The following ANKRD11 variants were observed in gnomAD, a reference collection of about 807,000 sequenced individuals.
The protein encoded by ANKRD11 is ankyrin repeat domain-containing protein 11.
A neutral mutation model predicts 195.7 loss-of-function variants in ANKRD11; 17 were observed. The observed-to-expected ratio is 0.09, with a 90% CI of 0.06 to 0.13. The LOEUF (loss-of-function observed/expected upper bound fraction) is 0.13, where lower values mean the gene tolerates loss of function less well. Ranked by LOEUF, ANKRD11 falls within the 10% of genes least tolerant of loss-of-function variation. ANKRD11 has a pLI of 1.00. For missense variants in ANKRD11, 3,735 were observed against 3,566.1 expected (o/e 1.05, Z -1.21); for synonymous variants, 1,953 against 1,528.1 (o/e 1.28, Z -6.49).
intron 2 of ANKRD11, among the ~76,000 whole-genome samples, chr16:89,374,004 T>G (rs1301891022): frequency 6.6e-6 from 1 of 152,206 alleles, no homozygotes; most frequent in Non-Finnish European, 1.5e-5. Flanking sequence ...CCACAATACC[T>G]GCAGGACAGG....
At position 89,267,644 on chromosome 16, in the gene ANKRD11, T is replaced by TTTA. The variant is rs2032747056; in HGVS notation, c.*831_*833dup. ...TACAAAGAGCATTTTAATTAATTTA[T>TTTA]TTATTTCTTTACACATAACTGAAAG... On this transcript the variant is annotated 3_prime_UTR_variant, in exon 13 of 13. Coordinates refer to ENST00000301030, the MANE Select transcript of ANKRD11 (RefSeq NM_013275.6). The TTTA allele has an allele frequency of 6.6e-6, 1 of 152,328 alleles. No individual in the cohort carries two copies. The highest frequency in any genetic ancestry group is 2.4e-5 in the African/African-American group (1 of 41,470). The allele number at this position is 152,328 out of a possible 1,614,324, so 9.4% of individuals were successfully genotyped here.
intron 2 of ANKRD11, among the ~76,000 whole-genome samples, chr16:89,349,138 A>AAAAAAAAAAAAAAAAAAG (rs2039082573): frequency 7.4e-6 from 1 of 135,324 alleles, no homozygotes; most frequent in Non-Finnish European, 1.6e-5. Flanking sequence ...AAAAAGTAAA[A>AAAAAAAAAAAAAAAAAAG]AAAAAAAAAA....
At chr16:89,288,792 A>G (rs2034829435) in intron 6 of ANKRD11, 122 bp from the exon 7 acceptor site, 1 of 1,387,826 alleles carries the variant, frequency 7.2e-7, no homozygotes, top group Non-Finnish European at 1.0e-6. Flanking sequence ...GCTGCCCTGT[A>G]GTGAGGGCTG....
intron 1 of ANKRD11, chr16:89,431,157 T>G (rs564486573): frequency 5.9e-5 from 9 of 152,316 alleles, no homozygotes; most frequent in African/African-American, 2.2e-4. Flanking sequence ...TTATTAAGAA[T>G]TGTTTACAGA....
At chr16:89,414,748 G>A (rs1273809111) in intron 2 of ANKRD11, among the ~76,000 whole-genome samples, 1 of 152,148 alleles carries the variant, frequency 6.6e-6, no homozygotes, top group Non-Finnish European at 1.5e-5. Context: ...CCCAACCTCA[G>A]GGCAGGACCA....
At chr16:89,363,364 T>C (rs894057041) in intron 2 of ANKRD11, among the ~76,000 whole-genome samples, 2 of 152,088 alleles carry the variant, frequency 1.3e-5, no homozygotes, top group Non-Finnish European at 2.9e-5. Context: ...TTAGGAGATA[T>C]ACCTAATGCT....
At chr16:89,388,892 A>C (rs1233565463) in intron 2 of ANKRD11, among the ~76,000 whole-genome samples, 5 of 152,236 alleles carry the variant, frequency 3.3e-5, no homozygotes, top group Admixed American at 1.3e-4. Context: ...GCAACAGCTG[A>C]AAGGGACAAA....
chr16:89,304,457 TACTC>T (rs1356970307), intron 4 of ANKRD11, among the ~76,000 whole-genome samples: 3 of 144,486 alleles, frequency 2.1e-5, no homozygotes, highest in African/African-American at 7.8e-5. Flanking sequence ...AGCATACACA[TACTC>T]AGGCACACAT....
chr16:89,279,295 G>A lies in ANKRD11; in HGVS notation c.7247C>T (p.Ala2416Val). 1 of 1,611,608 alleles carries A rather than the reference G, an allele frequency of 6.2e-7. No individual in the cohort carries two copies. The highest frequency in any genetic ancestry group is 8.5e-7 in the Non-Finnish European group (1 of 1,179,624). The change falls in exon 9 of 13, where the codon GCC (alanine) becomes GTC (valine). Residue 2416 changes from alanine to valine, a missense_variant. Ala to Val is a moderately conservative substitution (Grantham distance 64). Transcript: ENST00000301030. This position sits in a 1 kb window ranked among gnomAD's most constrained non-coding sequence, Gnocchi z 5.6. ...QTREVIQQTL[A>V]AIVDAIKLDA... is the part of the protein sequence containing the mutation. ...CAGCTTGATGGCGTCCACGATGGCG[G>A]CCAGCGTCTGCTGGATCACCTCCCG...
intron 1 of ANKRD11, among the ~76,000 whole-genome samples, chr16:89,480,153 TC>T (rs2057397711): frequency 6.6e-6 from 1 of 151,054 alleles, no homozygotes; most frequent in Non-Finnish European, 1.5e-5. Context: ...ATTATTGCCT[TC>T]CTTCTCAGAC....
intron 1 of ANKRD11, among the ~76,000 whole-genome samples, chr16:89,483,321 C>T (rs1049914671): frequency 3.3e-5 from 5 of 152,178 alleles, no homozygotes; most frequent in Admixed American, 2.6e-4. Context: ...CTTTTAAAAG[C>T]CAGTCATCTG....
chr16:89,487,966 G>C (rs2057677651), intron 1 of ANKRD11, among the ~76,000 whole-genome samples: 1 of 152,148 alleles, frequency 6.6e-6, no homozygotes, highest in Non-Finnish European at 1.5e-5. Context: ...GGCACTGCTG[G>C]TATGGGGTGC....
chr16:89,305,252 C>T lies in ANKRD11; in HGVS notation c.180G>A (p.Leu60=). 1 of 1,613,898 alleles carries T rather than the reference C, an allele frequency of 6.2e-7. No homozygotes were observed. The highest frequency in any genetic ancestry group is 8.5e-7 in the Non-Finnish European group (1 of 1,179,904). ...CCCCATTGGCGCCCGCGGTGAAGGG[C>T]AGCTTCCGCTTGCTGGCTCGCTCCC... ...EVRERASKRK[L]PFTAGANGEQ... is the part of the protein sequence containing the mutation. Residue 60 remains leucine (L), a synonymous_variant, in exon 4 of 13, where the codon CTG becomes CTA. Transcript: ENST00000301030.
intron 3 of ANKRD11, among the ~76,000 whole-genome samples, chr16:89,310,624 A>T (rs972007558): frequency 6.6e-6 from 1 of 152,200 alleles, no homozygotes; most frequent in African/African-American, 2.4e-5. Flanking sequence ...GTTCTCAGGA[A>T]TATTTTGCAG....
At chr16:89,447,149 G>A (rs369439406) in intron 1 of ANKRD11, among the ~76,000 whole-genome samples, 3 of 151,772 alleles carry the variant, frequency 2.0e-5, no homozygotes, top group Non-Finnish European at 4.4e-5. Context: ...AAAGCTCCAC[G>A]TCCAACACCA....
intron 1 of ANKRD11, among the ~76,000 whole-genome samples, chr16:89,421,818 T>C (rs934537132): frequency 2.6e-5 from 4 of 152,012 alleles, no homozygotes; most frequent in African/African-American, 9.7e-5. Context: ...GGTCAGTGTG[T>C]GATGACAGGA....
intron 4 of ANKRD11, chr16:89,299,722 G>GTGTGGGGTGCCTGCCCTC: frequency 5.3e-6 from 1 of 187,284 alleles, no homozygotes; most frequent in Non-Finnish European, 1.0e-5. Context: ...TGCCTGCCCT[G>GTGTGGGGTGCCTGCCCTC]TGTGGGATGC....
chr16:89,418,356 G>A lies in ANKRD11; in HGVS notation c.-132C>T, dbSNP rs1159250242. 2 of 449,538 alleles carry A rather than the reference G, an allele frequency of 4.4e-6. No homozygotes were observed. The highest frequency in any genetic ancestry group is 4.8e-5 in the Admixed American group (2 of 42,028). 27.8% of individuals were successfully genotyped at this position (449,538 alleles called of 1,614,324 possible). ...CCAATGGAGGTGTGTCCCAGAGCAG[G>A]GCTGTATATATTCTGAAACAAGAGA... On this transcript the variant is annotated 5_prime_UTR_variant, in exon 2 of 13. Coordinates refer to ENST00000301030, the MANE Select transcript of ANKRD11 (RefSeq NM_013275.6).
rs181824149 is a variant in ANKRD11, at chr16:89,411,507, G to A, written c.-60+6777C>T. On this transcript the variant is annotated intron_variant, in intron 2 of 12. Coordinates refer to ENST00000301030, the MANE Select transcript of ANKRD11 (RefSeq NM_013275.6). Reference sequence around the variant, plus strand: ...TAGCTCACTACAACCTCTGCCTCCCGAGCTCAAGAGATCCTCCTACCTCAA... The same window carrying A: ...TAGCTCACTACAACCTCTGCCTCCCAAGCTCAAGAGATCCTCCTACCTCAA... Among the ~76,000 whole-genome samples, 15 of 152,204 alleles carry A rather than the reference G, an allele frequency of 9.9e-5. No individual in the cohort carries two copies. In the East Asian group the frequency reaches 2.3e-3, roughly 23 times the overall value.
Sources: gnomAD v4.1 joint callset for allele counts (sites outside exome capture counted in the v4.1 genomes callset) on GRCh38, gnomAD v4.1.1 for gene constraint, Gnocchi (gnomAD v3.1) non-coding constraint, MANE v1.5 for transcripts, NCBI Gene and HGNC (gene_info 2026-07-23, HGNC 2026-07-21) for gene names.